The following TSHZ2 variants were observed in gnomAD, a reference collection of about 807,000 sequenced individuals.
TSHZ2 encodes teashirt homolog 2.
A neutral mutation model predicts 74.4 loss-of-function variants in TSHZ2; 21 were observed. The observed-to-expected ratio is 0.28, with a 90% CI of 0.20 to 0.41. The LOEUF (loss-of-function observed/expected upper bound fraction) is 0.41. TSHZ2 is among the 10% of genes least tolerant of loss of function. The pLI is 1.00. For synonymous variants in TSHZ2, 540 were observed against 515.3 expected (o/e 1.05, Z -0.65); for missense variants, 1,244 against 1,293.5 (o/e 0.96, Z 0.59).
intron 1 of TSHZ2, among the ~76,000 whole-genome samples, chr20:53,204,109 C>CTAT (rs1568810823): frequency 0.51 from 1,048 of 2,050 alleles, 315 homozygotes; most frequent in Admixed American, 0.69. Context: ...ATATGATATA[C>CTAT]TATATCATCA....
intron 1 of TSHZ2, among the ~76,000 whole-genome samples, chr20:53,111,485 G>A (rs1986533445): frequency 1.3e-5 from 2 of 152,132 alleles, no homozygotes. Flanking sequence ...GAAACATGGT[G>A]CTTACCATGA....
At chr20:53,347,959 C>G (rs577878040) in intron 2 of TSHZ2, among the ~76,000 whole-genome samples, 53 of 152,238 alleles carry the variant, frequency 3.5e-4, no homozygotes, top group Admixed American at 1.4e-3. Context: ...CTCCCATACC[C>G]GTAACGTGGT....
Position 53,005,605 on chromosome 20 carries a change from A to G in TSHZ2, c.40+32272A>G, listed in dbSNP as rs192882364. 2.5e-4 allele frequency among the ~76,000 whole-genome samples: 38 copies of G among 152,322 alleles called. 1 individual carries two copies. The East Asian group carries it at 7.1e-3, about 29-fold the overall frequency. On this transcript the variant is annotated intron_variant, in intron 1 of 2. Transcript: ENST00000371497. ...CATGTGGTGATGAGAAGCTGAATAA[A>G]TTCACACTTGGATCATTCTCGATCT...
chr20:53,202,062 TG>T (rs1468251428), intron 1 of TSHZ2, among the ~76,000 whole-genome samples: 25 of 152,216 alleles, frequency 1.6e-4, no homozygotes, highest in African/African-American at 5.8e-4. Context: ...GTCGCTCACA[TG>T]GACAGTATGG....
chr20:53,456,408 G>T (rs1230199173), intron 2 of TSHZ2, among the ~76,000 whole-genome samples: 1 of 146,782 alleles, frequency 6.8e-6, no homozygotes, highest in African/African-American at 2.5e-5. Flanking sequence ...TGATGGGGTT[G>T]TTTTTTTCTT....
At chr20:53,149,099 T>C (rs1439444102) in intron 1 of TSHZ2, among the ~76,000 whole-genome samples, 1 of 152,220 alleles carries the variant, frequency 6.6e-6, no homozygotes, top group Non-Finnish European at 1.5e-5. Context: ...CTGAAACTTT[T>C]TCTGTCTCTC....
chr20:53,224,577 C>T lies in TSHZ2; in HGVS notation c.41-28922C>T, dbSNP rs150735146. Among the ~76,000 whole-genome samples, 689 of 152,244 alleles carry T rather than the reference C, an allele frequency of 4.5e-3. 7 individuals are homozygous for T. The highest frequency in any genetic ancestry group is 0.015 in the African/African-American group (637 of 41,538). On this transcript the variant is annotated intron_variant, in intron 1 of 2. Coordinates refer to ENST00000371497, the MANE Select transcript of TSHZ2 (RefSeq NM_173485.6). ...AGAACTTAAGAAATGAGGCTGGGTG[C>T]GGTGACTCATGCCTGTAATCCCAGC...
chr20:53,271,656 T>A (rs1389184820), intron 2 of TSHZ2, among the ~76,000 whole-genome samples: 1 of 151,828 alleles, frequency 6.6e-6, no homozygotes. Flanking sequence ...CTAGGCTGAG[T>A]CTGGAATGAT....
chr20:53,185,754 C>G (rs555567663), intron 1 of TSHZ2: 1 of 1,516,060 alleles, frequency 6.6e-7, no homozygotes. Flanking sequence ...GTTCAGTTGC[C>G]CTTCAACCAT....
intron 1 of TSHZ2, among the ~76,000 whole-genome samples, chr20:53,230,806 C>T (rs1038739843): frequency 2.0e-5 from 3 of 151,716 alleles, no homozygotes; most frequent in Non-Finnish European, 2.9e-5. Context: ...GCAGGAGAAT[C>T]GCTTGAACCT....
chr20:53,096,909 AAAAAACAAAAAACAAAAC>A (rs976249051), intron 1 of TSHZ2, among the ~76,000 whole-genome samples: 3 of 150,116 alleles, frequency 2.0e-5, no homozygotes, highest in Non-Finnish European at 3.0e-5. Flanking sequence ...CAAAAACCAA[AAAAAACAAAAAACAAAAC>A]AAAAACAAAA....
At chr20:53,026,314 C>A (rs1983442736) in intron 1 of TSHZ2, among the ~76,000 whole-genome samples, 2 of 151,970 alleles carry the variant, frequency 1.3e-5, no homozygotes, top group South Asian at 4.2e-4. Flanking sequence ...CCCCAAGATA[C>A]CTGCAGGAAT....
chr20:53,368,789 A>G (rs1049635860), intron 2 of TSHZ2, among the ~76,000 whole-genome samples: 7 of 152,274 alleles, frequency 4.6e-5, no homozygotes, highest in Non-Finnish European at 1.0e-4. Flanking sequence ...GATCCAGATC[A>G]ATAAAATTTA....
intron 2 of TSHZ2, among the ~76,000 whole-genome samples, chr20:53,465,614 G>T (rs1328003273): frequency 6.6e-6 from 1 of 152,126 alleles, no homozygotes; most frequent in African/African-American, 2.4e-5. Flanking sequence ...ATTGGTGACA[G>T]AAACCTGAGT....
At chr20:53,372,974 C>T (rs1981532597) in intron 2 of TSHZ2, among the ~76,000 whole-genome samples, 1 of 151,872 alleles carries the variant, frequency 6.6e-6, no homozygotes, top group Admixed American at 6.5e-5. Context: ...AGCCACATTC[C>T]ACAATGGCCT....
intron 1 of TSHZ2, among the ~76,000 whole-genome samples, chr20:52,991,254 AGAGAGTGTGAAAGCTTTTCTGATG>A (rs1981977758): frequency 7.6e-6 from 1 of 132,064 alleles, no homozygotes; most frequent in African/African-American, 3.0e-5. Flanking sequence ...TTGTGGGGGG[AGAGAGTGTGAAAGCTTTTCTGATG>A]CATGATTTTG....
rs147371522 is a variant in TSHZ2 at position 53,359,924 on chromosome 20, C to T, written c.*8+103353C>T. On this transcript the variant is annotated intron_variant, in intron 2 of 2. Coordinates refer to ENST00000371497, the MANE Select transcript of TSHZ2 (RefSeq NM_173485.6). ...CATTGGTCAGTCTGTCAACAAACAT[C>T]GTGGGGGAAAGTCATCCTTAAGACA... 4.5e-3 allele frequency among the ~76,000 whole-genome samples: 687 copies of T among 152,300 alleles called. 8 individuals are homozygous for T. Among genetic ancestry groups the T allele is most frequent in the Non-Finnish European group, 3.3e-3 (223 of 68,016 alleles).
intron 1 of TSHZ2, among the ~76,000 whole-genome samples, chr20:53,059,902 TA>T (rs949452669): frequency 6.6e-6 from 1 of 152,218 alleles, no homozygotes. Flanking sequence ...ATTAGTGATT[TA>T]AAAATACCCT....
At chr20:53,047,043 T>C (rs1984254841) in intron 1 of TSHZ2, among the ~76,000 whole-genome samples, 1 of 152,228 alleles carries the variant, frequency 6.6e-6, no homozygotes, top group South Asian at 2.1e-4. Flanking sequence ...ATGCCTCATA[T>C]GAAGACACAT....
Sources: allele counts gnomAD v4.1 joint callset (sites outside exome capture counted in the v4.1 genomes callset), GRCh38; gene constraint gnomAD v4.1.1; transcripts MANE v1.5; gene names NCBI Gene and HGNC (gene_info 2026-07-23, HGNC 2026-07-21).